Variants in ZC3H12B observed in about 807,000 individuals in gnomAD.
ZC3H12B encodes probable ribonuclease ZC3H12B.
ZC3H12B carries 7 observed loss-of-function variants against 43.9 expected under a neutral mutation model. The observed-to-expected ratio is 0.16, with a 90% CI of 0.09 to 0.30. The LOEUF (loss-of-function observed/expected upper bound fraction) is 0.30. Ranked by LOEUF, ZC3H12B falls within the 10% of genes least tolerant of loss-of-function variation. ZC3H12B has a pLI of 1.00. For synonymous variants in ZC3H12B, 222 were observed against 241.7 expected, an observed-to-expected ratio of 0.92 and a Z score of 0.76; for missense variants, 475 against 670.2, an observed-to-expected ratio of 0.71 and a Z score of 3.22.
the ZC3H12B span, among the ~76,000 whole-genome samples, chrX:65,225,978 C>A: frequency 9.0e-6 from 1 of 111,677 alleles, no homozygotes; most frequent in African/African-American, 3.3e-5. Context: ...AGAACTTCCC[C>A]AATCTAGCAA....
the ZC3H12B span, among the ~76,000 whole-genome samples, chrX:65,348,072 G>A: frequency 8.2e-5 from 9 of 109,615 alleles, no homozygotes; most frequent in East Asian, 2.9e-4. Context: ...ATCACACACC[G>A]GGGCCTGTGG....
the ZC3H12B span, among the ~76,000 whole-genome samples, chrX:65,297,806 C>A: frequency 8.1e-5 from 9 of 111,687 alleles, no homozygotes; most frequent in African/African-American, 2.3e-4. Flanking sequence ...GGCACATAGA[C>A]CAATGGCACA....
chrX:65,134,024 C>G, the ZC3H12B span, among the ~76,000 whole-genome samples: 1 of 110,810 alleles, frequency 9.0e-6, no homozygotes, highest in Non-Finnish European at 1.9e-5. Flanking sequence ...TGGTGCCAAG[C>G]AGTGTTGCAG....
At chrX:65,269,393 C>A in the ZC3H12B span, among the ~76,000 whole-genome samples, 1 of 109,615 alleles carries the variant, frequency 9.1e-6, no homozygotes, top group Non-Finnish European at 1.9e-5. Flanking sequence ...AAAGAAAAAT[C>A]ACTATTATCT....
At chrX:65,172,639 A>G in the ZC3H12B span, among the ~76,000 whole-genome samples, 5 of 112,510 alleles carry the variant, frequency 4.4e-5, no homozygotes, top group South Asian at 7.3e-4. Context: ...TGTTTTCTGC[A>G]TATGGCTTGC....
intron 3 of ZC3H12B, among the ~76,000 whole-genome samples, chrX:65,431,298 G>T (rs1490132423): frequency 8.9e-6 from 1 of 112,415 alleles, no homozygotes; most frequent in Non-Finnish European, 1.9e-5. Flanking sequence ...ATGAAATACT[G>T]CTCCTTCCAT....
chrX:65,353,454 C>G, the ZC3H12B span, among the ~76,000 whole-genome samples: 1 of 112,026 alleles, frequency 8.9e-6, no homozygotes, highest in Non-Finnish European at 1.9e-5. Context: ...CACTAGACAT[C>G]ATTAAACTTA....
At chrX:65,175,805 C>G in the ZC3H12B span, among the ~76,000 whole-genome samples, 2 of 112,122 alleles carry the variant, frequency 1.8e-5, no homozygotes, top group African/African-American at 6.5e-5. Flanking sequence ...ACTCCCTCTC[C>G]TAGCCAAGGG....
At chrX:65,396,443 G>A (rs922545439) in intron 2 of ZC3H12B, among the ~76,000 whole-genome samples, 2 of 111,973 alleles carry the variant, frequency 1.8e-5, no homozygotes, top group South Asian at 7.3e-4. Flanking sequence ...TATTTACCCA[G>A]TAGTCATTCA....
chrX:65,107,729 C>T, the ZC3H12B span, among the ~76,000 whole-genome samples: 18 of 110,916 alleles, frequency 1.6e-4, no homozygotes, highest in Admixed American at 1.4e-3. Context: ...CCCTACGGCT[C>T]GGCACTTTTC....
the ZC3H12B span, among the ~76,000 whole-genome samples, chrX:65,249,796 A>ATTTTTTTTTTTT: frequency 2.0e-5 from 1 of 48,927 alleles, no homozygotes; most frequent in Non-Finnish European, 3.8e-5. Flanking sequence ...ATTCCTAAGT[A>ATTTTTTTTTTTT]TTTTTTTTTT....
At chrX:65,175,136 G>A in the ZC3H12B span, among the ~76,000 whole-genome samples, 5 of 111,425 alleles carry the variant, frequency 4.5e-5, no homozygotes, top group Non-Finnish European at 7.5e-5. Flanking sequence ...GGGGACAGAG[G>A]TCCCTGGCTC....
the ZC3H12B span, among the ~76,000 whole-genome samples, chrX:65,320,272 C>G: frequency 2.7e-5 from 3 of 111,154 alleles, no homozygotes; most frequent in Non-Finnish European, 3.8e-5. Context: ...AGCCAAGAAC[C>G]AAATCAACAC....
chrX:65,316,444 C>T, the ZC3H12B span, among the ~76,000 whole-genome samples: 1 of 112,004 alleles, frequency 8.9e-6, no homozygotes, highest in Non-Finnish European at 1.9e-5. Context: ...ATTAGGCTAA[C>T]AGTGGACCTT....
At chrX:65,372,499 GGAAAGGAA>G (rs1235044064) in intron 2 of ZC3H12B, among the ~76,000 whole-genome samples, 2 of 82,041 alleles carry the variant, frequency 2.4e-5, no homozygotes, top group Non-Finnish European at 4.6e-5. Flanking sequence ...AAGGAAGGAA[GGAAAGGAA>G]GGAAGGAAGG....
At chrX:65,312,580 C>G in the ZC3H12B span, among the ~76,000 whole-genome samples, 3 of 111,517 alleles carry the variant, frequency 2.7e-5, no homozygotes, top group Non-Finnish European at 3.8e-5. Context: ...TGTCTTATCC[C>G]TCTCAGGCTG....
the ZC3H12B span, among the ~76,000 whole-genome samples, chrX:65,216,966 A>G: frequency 1.2e-3 from 135 of 111,676 alleles, 1 homozygote; most frequent in Middle Eastern, 4.7e-3. Flanking sequence ...TAGCAGCCAC[A>G]GGCCTTAGAC....
chrX:65,069,396 C>G, the ZC3H12B span, among the ~76,000 whole-genome samples: 3 of 108,873 alleles, frequency 2.8e-5, no homozygotes, highest in Admixed American at 2.0e-4. Flanking sequence ...TTCTTCTAAT[C>G]ACTAATCCTT....
chrX:65,329,340 A>G, the ZC3H12B span, among the ~76,000 whole-genome samples: 2 of 111,093 alleles, frequency 1.8e-5, no homozygotes, highest in African/African-American at 6.7e-5. Flanking sequence ...GGCTGCATAA[A>G]TGTCTTCTTT....
Sources: allele counts gnomAD v4.1 joint callset (sites outside exome capture counted in the v4.1 genomes callset), GRCh38; gene constraint gnomAD v4.1.1; transcripts MANE v1.5; gene names NCBI Gene and HGNC (gene_info 2026-07-23, HGNC 2026-07-21).